The following TIMM17A variants were observed in gnomAD, a reference collection of about 807,000 sequenced individuals.
TIMM17A encodes mitochondrial import inner membrane translocase subunit Tim17-A.
In TIMM17A, 15 loss-of-function variants were observed where a neutral mutation model predicts 26.5. The observed-to-expected ratio is 0.57, with a 90% CI of 0.38 to 0.87. TIMM17A has a LOEUF of 0.87. Among genes scored for constraint, TIMM17A ranks in the 40% least tolerant of loss-of-function variants. TIMM17A has a pLI of 0.00. For missense variants in TIMM17A, 201 were observed against 210.0 expected (o/e 0.96, Z 0.27); for synonymous variants, 80 against 70.8 (o/e 1.13, Z -0.66).
At chr1:201,964,892 C>A (rs1286143217) in intron 4 of TIMM17A, among the ~76,000 whole-genome samples, 1 of 151,552 alleles carries the variant, frequency 6.6e-6, no homozygotes. Context: ...TCGTAATCCA[C>A]CCACCTCGGC....
chr1:201,963,803 C>T, intron 4 of TIMM17A, 59 bp downstream of exon 4: 1 of 1,525,964 alleles, frequency 6.6e-7, no homozygotes, highest in Non-Finnish European at 8.8e-7. Context: ...ACCTCATCTG[C>T]CTCAATTGAA....
intron 5 of TIMM17A, among the ~76,000 whole-genome samples, chr1:201,966,991 T>TTTTGTGTGTGTGTGTGTGTGTG (rs572223784): frequency 7.5e-6 from 1 of 133,100 alleles, no homozygotes; most frequent in Non-Finnish European, 1.6e-5. Context: ...ATTATATATG[T>TTTTGTGTGTGTGTGTGTGTGTG]TGTGTGTGTG....
Position 201,969,569 on chromosome 1 carries a change from G to A in TIMM17A, c.*15G>A. 1.3e-6 allele frequency: 2 copies of A among 1,598,664 alleles called. No homozygotes were observed. The highest frequency in any genetic ancestry group is 2.2e-5 in the South Asian group (2 of 89,998). On this transcript the variant is annotated 3_prime_UTR_variant, in exon 6 of 6. Transcript: ENST00000367287. ...AATATCAGTAGGACTTCTTTCCTAG[G>A]ATTTCTTTAACAGAACGAGTTGTGG...
chr1:201,965,599 T>C (rs1682613074), intron 5 of TIMM17A, 56 bp downstream of exon 5: 2 of 1,113,046 alleles, frequency 1.8e-6, no homozygotes, highest in Admixed American at 3.4e-5. Context: ...TTTTCTGATG[T>C]TAAGAAAGAA....
At chr1:201,964,636 T>C (rs1218681790) in intron 4 of TIMM17A, among the ~76,000 whole-genome samples, 50 of 4,802 alleles carry the variant, frequency 0.01, no homozygotes, top group African/African-American at 0.014. Flanking sequence ...ATTTTATTTC[T>C]TTTTTTTTTT....
rs968716168 is a variant in TIMM17A, at chr1:201,970,327, A to C, written c.*773A>C. On this transcript the variant is annotated 3_prime_UTR_variant, in exon 6 of 6. Transcript: ENST00000367287. Reference sequence around the variant, plus strand: ...TAGTGTTTCTTGTATGCTTGAAAATAAAGTATGTACTGTTTTGAATGTGTT... The same window carrying C: ...TAGTGTTTCTTGTATGCTTGAAAATCAAGTATGTACTGTTTTGAATGTGTT... 1.3e-5 allele frequency: 2 copies of C among 152,268 alleles called. No individual in the cohort carries two copies. Among genetic ancestry groups the C allele is most frequent in the African/African-American group, 2.4e-5 (1 of 41,468 alleles). 9.4% of individuals were successfully genotyped at this position (152,268 alleles called of 1,614,324 possible).
intron 1 of TIMM17A, among the ~76,000 whole-genome samples, chr1:201,956,955 C>G (rs901796206): frequency 1.6e-5 from 1 of 61,622 alleles, no homozygotes; most frequent in South Asian, 5.6e-4. Context: ...GACTCCATCT[C>G]AAAAAAAAAA....
At chr1:201,967,463 G>C (rs973770924) in intron 5 of TIMM17A, among the ~76,000 whole-genome samples, 7 of 151,974 alleles carry the variant, frequency 4.6e-5, no homozygotes, top group Non-Finnish European at 1.0e-4. Context: ...TTGTCTCATA[G>C]AAATTAGCCT....
chr1:201,955,986 G>T lies in TIMM17A; in HGVS notation c.26+434G>T, dbSNP rs528212912. Reference sequence around the variant, plus strand: ...AGGCATTTGAGGGAGTGTCATTCTTGAGGTTTTACTTGTATCATGATATGT... The same window carrying T: ...AGGCATTTGAGGGAGTGTCATTCTTTAGGTTTTACTTGTATCATGATATGT... On this transcript the variant is annotated intron_variant, in intron 1 of 5. Coordinates refer to ENST00000367287, the MANE Select transcript of TIMM17A (RefSeq NM_006335.3). Among the ~76,000 whole-genome samples, 13 of 152,288 alleles carry T rather than the reference G, an allele frequency of 8.5e-5. No individual in the cohort carries two copies. In the East Asian group the frequency reaches 1.4e-3, roughly 16 times the overall value.
chr1:201,965,875 T>C (rs1357674969), intron 5 of TIMM17A, among the ~76,000 whole-genome samples: 2 of 152,228 alleles, frequency 1.3e-5, no homozygotes, highest in Non-Finnish European at 2.9e-5. Flanking sequence ...TTTAGTATTG[T>C]ACATCTACAT....
chr1:201,963,648 A>G lies in TIMM17A; in HGVS notation c.223A>G (p.Met75Val), dbSNP rs1192484081. 6.8e-6 allele frequency: 11 copies of G among 1,608,150 alleles called. No individual in the cohort carries two copies. In the African/African-American group the frequency reaches 1.2e-4, roughly 18 times the overall value. Residue 75 changes from methionine to valine, a missense_variant, in exon 4 of 6, where the codon ATG becomes GTG. By Grantham distance (21) the Met-to-Val change is conservative. Coordinates refer to ENST00000367287, the MANE Select transcript of TIMM17A (RefSeq NM_006335.3). ...TGCAGTTTGGGGAGGGCTGTTTTCC[A>G]TGATTGACTGTAGTATGGTTCAAGT... ...SFAVWGGLFSMIDCSMVQVRG... is the reference protein window; with the variant it reads ...SFAVWGGLFSVIDCSMVQVRG...
chr1:201,960,468 A>T (rs1008490430), intron 3 of TIMM17A, among the ~76,000 whole-genome samples: 2 of 152,064 alleles, frequency 1.3e-5, no homozygotes, highest in African/African-American at 2.4e-5. Flanking sequence ...GCTAATGTAG[A>T]TGTTGGTAAT....
At chr1:201,962,018 C>A (rs1370870468) in intron 3 of TIMM17A, among the ~76,000 whole-genome samples, 7 of 152,064 alleles carry the variant, frequency 4.6e-5, no homozygotes, top group Non-Finnish European at 1.0e-4. Context: ...TGGATCCTCA[C>A]ACCAGGCTAC....
chr1:201,963,661 G>A lies in TIMM17A; in HGVS notation c.236G>A (p.Ser79Asn). Reference protein sequence around the residue: ...WGGLFSMIDCSMVQVRGKEDP... With the variant: ...WGGLFSMIDCNMVQVRGKEDP... Reference sequence around the variant, plus strand: ...GGGCTGTTTTCCATGATTGACTGTAGTATGGTTCAAGTCAGAGGAAAGGAA... The same window carrying A: ...GGGCTGTTTTCCATGATTGACTGTAATATGGTTCAAGTCAGAGGAAAGGAA... Residue 79 changes from serine (S) to asparagine (N), a missense_variant, in exon 4 of 6, where the codon AGT (serine) becomes AAT (asparagine). Physicochemically the swap from Ser to Asn is conservative, Grantham distance 46 (BLOSUM62 1). Coordinates refer to ENST00000367287, the MANE Select transcript of TIMM17A (RefSeq NM_006335.3). 1 of 1,611,504 alleles carries A rather than the reference G, an allele frequency of 6.2e-7. No individual in the cohort carries two copies. The highest frequency in any genetic ancestry group is 8.5e-7 in the Non-Finnish European group (1 of 1,179,336).
rs1682713052 is a variant in TIMM17A at position 201,970,385 on chromosome 1, G to T, written c.*831G>T. The T allele has an allele frequency of 6.6e-6, 1 of 152,206 alleles. No homozygotes were observed. Among genetic ancestry groups the T allele is most frequent in the Non-Finnish European group, 1.5e-5 (1 of 68,034 alleles). 9.4% of individuals were successfully genotyped at this position (152,206 alleles called of 1,614,324 possible). On this transcript the variant is annotated 3_prime_UTR_variant, in exon 6 of 6. Transcript: ENST00000367287. ...CTCTGCATAAACGATGTATTTTGGG[G>T]TCTGGTTGGGCCTGGAAAATGGATG...
At chr1:201,967,977 G>A (rs758522005) in intron 5 of TIMM17A, among the ~76,000 whole-genome samples, 28 of 151,970 alleles carry the variant, frequency 1.8e-4, no homozygotes, top group Non-Finnish European at 3.7e-4. Context: ...TATTTTTCCA[G>A]TGAACTTACA....
chr1:201,963,737 A>C lies in TIMM17A; in HGVS notation c.312A>C (p.Ala104=). The C allele has an allele frequency of 6.2e-7, 1 of 1,600,382 alleles. No homozygotes were observed. Among genetic ancestry groups the C allele is most frequent in the Non-Finnish European group, 8.5e-7 (1 of 1,176,768 alleles). Residue 104 remains alanine, a synonymous_variant, in exon 4 of 6, where the codon GCA becomes GCC. Transcript: ENST00000367287. ...GTGCCTTAACGGGAGCCATACTGGC[A>C]GCAAGAAGTAAGTAGTCATTACAGA... The part of the protein sequence containing the change: ...TSGALTGAIL[A]ARNGPVAMVG...
intron 3 of TIMM17A, 188 bp downstream of exon 3, chr1:201,957,762 A>T: frequency 1.9e-6 from 1 of 515,746 alleles, no homozygotes; most frequent in Non-Finnish European, 3.4e-6. Context: ...TATGATACCC[A>T]TTTGAAAATC....
chr1:201,968,322 G>A (rs552173410), intron 5 of TIMM17A, among the ~76,000 whole-genome samples: 2 of 152,022 alleles, frequency 1.3e-5, no homozygotes, highest in Admixed American at 6.6e-5. Context: ...GTGAAAAAAG[G>A]TTAGACAGAA....
Sources: gnomAD v4.1 joint callset for allele counts (sites outside exome capture counted in the v4.1 genomes callset) on GRCh38, gnomAD v4.1.1 for gene constraint, MANE v1.5 for transcripts, NCBI Gene and HGNC (gene_info 2026-07-23, HGNC 2026-07-21) for gene names.